Variants in MMUT observed in about 807,000 individuals in gnomAD.
MMUT encodes the protein methylmalonyl-CoA mutase, also known as methylmalonyl-CoA mutase, mitochondrial.
MMUT carries 79 observed loss-of-function variants against 79.9 expected under a neutral mutation model. The ratio of observed to expected loss-of-function variants is 0.99; its 90% confidence interval spans 0.82 to 1.19. MMUT has a LOEUF of 1.19. Ranked by LOEUF, MMUT falls within the 50% of genes most tolerant of loss-of-function variation. The probability of loss-of-function intolerance (pLI) is 0.00; values close to 1 mark genes in which losing one functional copy is unlikely to be tolerated. For synonymous variants in MMUT, 273 were observed against 295.7 expected, an observed-to-expected ratio of 0.92 and a Z score of 0.79; for missense variants, 860 against 917.2, an observed-to-expected ratio of 0.94 and a Z score of 0.81.
chr6:49,433,857 T>C (rs746255975), intron 12 of MMUT, among the ~76,000 whole-genome samples: 2 of 152,212 alleles, frequency 1.3e-5, no homozygotes, highest in African/African-American at 4.8e-5. Flanking sequence ...TTAACTGCTA[T>C]AATTATATAA....
intron 6 of MMUT, among the ~76,000 whole-genome samples, chr6:49,450,916 T>C (rs1767535277): frequency 6.6e-6 from 1 of 152,046 alleles, no homozygotes; most frequent in African/African-American, 2.4e-5. Flanking sequence ...AATGAGAACA[T>C]TAGAAGAATT....
Position 49,454,971 on chromosome 6 carries a change from G to A in MMUT, c.911+1109C>T, listed in dbSNP as rs1477016023. On this transcript the variant is annotated intron_variant, in intron 4 of 12. Transcript: ENST00000274813. ...TGAGGTGGGAGGAACCCTTAAGCCT[G>A]GCAGGCTGAGGCTGCAATGAGCAGT... Among the ~76,000 whole-genome samples, 3 of 152,184 alleles carry A rather than the reference G, an allele frequency of 2.0e-5. No individual in the cohort carries two copies. In the East Asian group the frequency reaches 5.8e-4, roughly 29 times the overall value.
intron 8 of MMUT, among the ~76,000 whole-genome samples, chr6:49,445,592 T>C (rs1767391364): frequency 6.6e-6 from 1 of 152,110 alleles, no homozygotes; most frequent in African/African-American, 2.4e-5. Context: ...ATATAACCTA[T>C]GTACATTTTC....
chr6:49,459,515 G>T lies in MMUT; in HGVS notation c.-39-10C>A. 6.3e-7 allele frequency: 1 copy of T among 1,584,760 alleles called. No homozygotes were observed. On this transcript the variant is annotated splice_polypyrimidine_tract_variant and intron_variant, in intron 1 of 12. Transcript: ENST00000274813. Reference sequence around the variant, plus strand: ...AGAAATAAGAACTGACCTAGAAAAAGAAACATAGAGTAAAAACATTTAGAA... The same window carrying T: ...AGAAATAAGAACTGACCTAGAAAAATAAACATAGAGTAAAAACATTTAGAA...
chr6:49,461,694 G>T (rs1412400536), intron 1 of MMUT, among the ~76,000 whole-genome samples: 1 of 152,084 alleles, frequency 6.6e-6, no homozygotes, highest in Admixed American at 6.6e-5. Context: ...ACTTCAACCC[G>T]GGAAGCAGAG....
In MMUT at chr6:49,448,817, A is replaced by C; in HGVS notation, c.1443T>G (p.Ser481=). Residue 481 remains serine, a splice_region_variant and synonymous_variant, in exon 7 of 13, where the codon TCT becomes TCG. Coordinates refer to ENST00000274813, the MANE Select transcript of MMUT (RefSeq NM_000255.4). The part of the protein sequence containing the change: ...CAARRQARID[S]GSEVIVGVNK... Reference sequence around the variant, plus strand: ...ATATGAACTTTCTCACTATCTTACCAGAATCTATTCTAGCTTGTCTTCGGG... The same window carrying C: ...ATATGAACTTTCTCACTATCTTACCCGAATCTATTCTAGCTTGTCTTCGGG... The C allele has an allele frequency of 1.2e-6, 2 of 1,607,144 alleles. No individual in the cohort carries two copies. Among genetic ancestry groups the C allele is most frequent in the Non-Finnish European group, 1.7e-6 (2 of 1,173,818 alleles).
chr6:49,450,081 A>G lies in MMUT; in HGVS notation c.1333-1154T>C, dbSNP rs537048251. ...CCCCGTCTCCATTAAAAATACAAAA[A>G]TTATCCGGGTGTGGTGGTGTGTGCC... On this transcript the variant is annotated intron_variant, in intron 6 of 12. Coordinates refer to ENST00000274813, the MANE Select transcript of MMUT (RefSeq NM_000255.4). Among the ~76,000 whole-genome samples, 48 of 151,936 alleles carry G rather than the reference A, an allele frequency of 3.2e-4. No individual in the cohort carries two copies. In the Middle Eastern group the frequency reaches 0.031, roughly 97 times the overall value.
In MMUT at chr6:49,439,801, T is replaced by C. The variant is rs572592774; in HGVS notation, c.1956+405A>G. ...TTTTAGTCAGATTTATTTCCCATCC[T>C]CTGGCATGCAACTGTCTCACCAATA... On this transcript the variant is annotated intron_variant, in intron 11 of 12. Coordinates refer to ENST00000274813, the MANE Select transcript of MMUT (RefSeq NM_000255.4). Among the ~76,000 whole-genome samples, 11 of 152,332 alleles carry C rather than the reference T, an allele frequency of 7.2e-5. No individual in the cohort carries two copies. The South Asian group carries it at 1.5e-3, about 20-fold the overall frequency.
intron 6 of MMUT, among the ~76,000 whole-genome samples, chr6:49,451,102 T>C (rs1271316687): frequency 6.6e-6 from 1 of 152,136 alleles, no homozygotes; most frequent in Non-Finnish European, 1.5e-5. Flanking sequence ...CATGTGATTT[T>C]AAACTATGCA....
chr6:49,453,331 T>A (rs1451788031), intron 5 of MMUT, among the ~76,000 whole-genome samples: 2 of 152,028 alleles, frequency 1.3e-5, no homozygotes, highest in East Asian at 3.8e-4. Flanking sequence ...TTTACAAGTG[T>A]TTCAGCACTA....
intron 10 of MMUT, among the ~76,000 whole-genome samples, chr6:49,441,316 C>T (rs956434950): frequency 6.6e-5 from 10 of 151,968 alleles, no homozygotes; most frequent in Non-Finnish European, 1.5e-4. Flanking sequence ...TAAATGTTTA[C>T]TTTCAATTAT....
intron 1 of MMUT, among the ~76,000 whole-genome samples, chr6:49,462,831 T>C (rs1308826132): frequency 4.6e-5 from 7 of 152,174 alleles, no homozygotes; most frequent in Admixed American, 3.3e-4. Flanking sequence ...CCAAAGAAGA[T>C]ACCGACATGG....
chr6:49,452,393 C>T (rs1252919015), intron 5 of MMUT, among the ~76,000 whole-genome samples: 1 of 152,058 alleles, frequency 6.6e-6, no homozygotes, highest in African/African-American at 2.4e-5. Flanking sequence ...AGTGCAGTGG[C>T]GCAATCTCGG....
At position 49,453,690 on chromosome 6, in the gene MMUT, T is replaced by C. The variant is rs1767615700; in HGVS notation, c.978A>G (p.Arg326=). 6.2e-7 allele frequency: 1 copy of C among 1,613,222 alleles called. No homozygotes were observed. Among genetic ancestry groups the C allele is most frequent in the Non-Finnish European group, 8.5e-7 (1 of 1,179,542 alleles). Residue 326 remains arginine (R), a synonymous_variant, in exon 5 of 13, where the codon AGA becomes AGG. Transcript: ENST00000274813. ...YMEIAKMRAG[R]RLWAHLIEKM... The stretch of plus-strand genomic sequence containing the variant: ...TCTCTATTAAGTGAGCCCAGAGTCT[T>C]CTACCAGCTCTCATCTTTGCTATTT...
intron 1 of MMUT, among the ~76,000 whole-genome samples, chr6:49,459,941 T>C (rs1354603832): frequency 1.3e-5 from 2 of 152,214 alleles, no homozygotes; most frequent in Non-Finnish European, 2.9e-5. Context: ...TGTTGGGTAA[T>C]AGAGAAAAAA....
At chr6:49,458,724 A>T (rs1767757779) in intron 2 of MMUT, among the ~76,000 whole-genome samples, 2 of 152,204 alleles carry the variant, frequency 1.3e-5, no homozygotes, top group Non-Finnish European at 2.9e-5. Context: ...TATCACATTT[A>T]CACTTTCTTT....
At chr6:49,448,477 T>C (rs959907798) in intron 7 of MMUT, among the ~76,000 whole-genome samples, 4 of 151,976 alleles carry the variant, frequency 2.6e-5, no homozygotes, top group African/African-American at 9.7e-5. Flanking sequence ...TCAAACAAAA[T>C]AAACTAAAGA....
chr6:49,454,364 A>G (rs568633830), intron 4 of MMUT, among the ~76,000 whole-genome samples: 19 of 152,282 alleles, frequency 1.2e-4, no homozygotes, highest in Non-Finnish European at 2.1e-4. Context: ...CTGGAGTGCA[A>G]TGAAGCAATG....
intron 8 of MMUT, among the ~76,000 whole-genome samples, chr6:49,446,414 T>C (rs999754316): frequency 1.2e-4 from 18 of 151,932 alleles, no homozygotes; most frequent in Admixed American, 1.2e-3. Flanking sequence ...GATTTGGTCA[T>C]GGTCCTAAGA....
Sources: gnomAD v4.1 joint callset for allele counts (sites outside exome capture counted in the v4.1 genomes callset) on GRCh38, gnomAD v4.1.1 for gene constraint, MANE v1.5 for transcripts, NCBI Gene and HGNC (gene_info 2026-07-23, HGNC 2026-07-21) for gene names.